The following CRISPLD2 variants were observed in gnomAD, a reference collection of about 807,000 sequenced individuals.
CRISPLD2 encodes the protein cysteine rich secretory protein LCCL domain containing 2, also known as cysteine-rich secretory protein LCCL domain-containing 2.
A neutral mutation model predicts 71.1 loss-of-function variants in CRISPLD2; 47 were observed. The observed-to-expected ratio is 0.66, with a 90% CI of 0.52 to 0.84. The LOEUF is 0.84. Among genes scored for constraint, CRISPLD2 ranks in the 40% least tolerant of loss-of-function variants. The probability of loss-of-function intolerance (pLI) is 0.00; values close to 1 mark genes in which losing one functional copy is unlikely to be tolerated. For synonymous variants in CRISPLD2, 317 were observed against 250.1 expected, an observed-to-expected ratio of 1.27 and a Z score of -2.52; for missense variants, 830 against 651.1, an observed-to-expected ratio of 1.27 and a Z score of -2.99.
chr16:84,873,891 C>T (rs1567697215), intron 10 of CRISPLD2, 29 bp from the exon 11 acceptor site: 1 of 1,458,950 alleles, frequency 6.9e-7, no homozygotes, highest in South Asian at 1.2e-5. Context: ...TACCTAATGC[C>T]CGTTTTTTTT....
At position 84,835,125 on chromosome 16, in the gene CRISPLD2, T is replaced by A. The variant is rs565403305; in HGVS notation, c.-74-3297T>A. Among the ~76,000 whole-genome samples the A allele has an allele frequency of 1.7e-4, 26 of 152,234 alleles. No homozygotes were observed. The South Asian group carries it at 5.4e-3, about 32-fold the overall frequency. On this transcript the variant is annotated intron_variant, in intron 1 of 14. Transcript: ENST00000262424. Reference sequence around the variant, plus strand: ...ATTTTTTTGAGGTGAAGTTTTGCTCTTGTCTCCCAGGCTAGAGTGCAATGG... The same window carrying A: ...ATTTTTTTGAGGTGAAGTTTTGCTCATGTCTCCCAGGCTAGAGTGCAATGG...
At chr16:84,880,225 C>G (rs1420752717) in intron 12 of CRISPLD2, among the ~76,000 whole-genome samples, 1 of 152,190 alleles carries the variant, frequency 6.6e-6, no homozygotes, top group African/African-American at 2.4e-5. Flanking sequence ...ACTCTTCTCT[C>G]TTAGATTTTT....
At position 84,872,522 on chromosome 16, in the gene CRISPLD2, G is replaced by T; in HGVS notation, c.981+14G>T. On this transcript the variant is annotated intron_variant, in intron 9 of 14. Coordinates refer to ENST00000262424, the MANE Select transcript of CRISPLD2 (RefSeq NM_031476.4). ...TTCTATGAAAGCGTGAGTGTGGCCA[G>T]TCCTCCTCTCAATGGCTTGTGTGGG... 6.2e-7 allele frequency: 1 copy of T among 1,609,098 alleles called. No individual in the cohort carries two copies.
intron 13 of CRISPLD2, among the ~76,000 whole-genome samples, chr16:84,881,187 T>G (rs1446716411): frequency 3.3e-5 from 5 of 152,254 alleles, no homozygotes; most frequent in Admixed American, 2.0e-4. Context: ...TTTTTCCGGC[T>G]ATTTAGTCAT....
At chr16:84,898,725 T>G (rs1376024634) in intron 14 of CRISPLD2, among the ~76,000 whole-genome samples, 1 of 152,240 alleles carries the variant, frequency 6.6e-6, no homozygotes, top group Non-Finnish European at 1.5e-5. Context: ...ACAGCCCTGA[T>G]GCTGCCCAGC....
intron 3 of CRISPLD2, 129 bp downstream of exon 3, chr16:84,846,033 C>A: frequency 1.7e-6 from 1 of 602,168 alleles, no homozygotes; most frequent in Non-Finnish European, 2.9e-6. Flanking sequence ...CATCGATATT[C>A]TGGGAAACTG....
intron 6 of CRISPLD2, among the ~76,000 whole-genome samples, chr16:84,860,387 C>G (rs1917346608): frequency 6.6e-6 from 1 of 152,156 alleles, no homozygotes; most frequent in South Asian, 2.1e-4. Context: ...TCAAGCAGTT[C>G]TTTTCGAGTG....
intron 6 of CRISPLD2, 104 bp from the exon 7 acceptor site, chr16:84,866,793 C>G: frequency 9.0e-7 from 1 of 1,116,506 alleles, no homozygotes. Flanking sequence ...TTTGTAAAAC[C>G]AAACCTCAAA....
At chr16:84,873,224 C>T (rs1270860240) in intron 10 of CRISPLD2, 102 bp downstream of exon 10, 4 of 1,377,356 alleles carry the variant, frequency 2.9e-6, no homozygotes, top group Admixed American at 4.5e-5. Context: ...TGGTGGCTCA[C>T]ACCTGCACTT....
rs377532598 is a variant in CRISPLD2, at chr16:84,877,527, C to T, written c.1229+17C>T. 7.6e-5 allele frequency: 122 copies of T among 1,612,598 alleles called. No individual in the cohort carries two copies. Among genetic ancestry groups the T allele is most frequent in the Non-Finnish European group, 9.8e-5 (116 of 1,178,892 alleles). On this transcript the variant is annotated intron_variant, in intron 12 of 14. Transcript: ENST00000262424. The stretch of plus-strand genomic sequence containing the variant: ...CTGCCCAAGGTAAGGCGGGCCTGAT[C>T]TGTCATCTTTTCTATGGAAGATGTT...
chr16:84,861,609 A>C (rs545747937), intron 6 of CRISPLD2, among the ~76,000 whole-genome samples: 140 of 152,238 alleles, frequency 9.2e-4, no homozygotes, highest in South Asian at 4.2e-3. Context: ...CCACTGACTC[A>C]AATGTTAATC....
intron 3 of CRISPLD2, among the ~76,000 whole-genome samples, chr16:84,848,823 T>C (rs951253086): frequency 1.3e-5 from 2 of 151,958 alleles, no homozygotes; most frequent in Non-Finnish European, 2.9e-5. Flanking sequence ...GGATAGTTTT[T>C]CTCCAACGTA....
In CRISPLD2 at chr16:84,908,599, G is replaced by T. The variant is rs2071825217; in HGVS notation, c.*1957G>T. 6.6e-6 allele frequency: 1 copy of T among 151,442 alleles called. No homozygotes were observed. The highest frequency in any genetic ancestry group is 2.4e-5 in the African/African-American group (1 of 41,240). 9.4% of individuals were successfully genotyped at this position (151,442 alleles called of 1,614,324 possible). ...GTTGACCCCATCATTTAAAAATAAA[G>T]TCCCCGGGTTCCTTAATGCCTCCTT... On this transcript the variant is annotated 3_prime_UTR_variant, in exon 15 of 15. Coordinates refer to ENST00000262424, the MANE Select transcript of CRISPLD2 (RefSeq NM_031476.4).
chr16:84,852,105 A>T lies in CRISPLD2; in HGVS notation c.608+1422A>T, dbSNP rs900523366. On this transcript the variant is annotated intron_variant, in intron 5 of 14. Coordinates refer to ENST00000262424, the MANE Select transcript of CRISPLD2 (RefSeq NM_031476.4). ...CTCTCTTCCTGGCTCACCAACGGCC[A>T]CTATCTTACATGGTGGTGAGAGATG... is the stretch of plus-strand genomic sequence containing the variant. Among the ~76,000 whole-genome samples, 4 of 152,218 alleles carry T rather than the reference A, an allele frequency of 2.6e-5. No homozygotes were observed. In the East Asian group the frequency reaches 7.7e-4, roughly 29 times the overall value.
chr16:84,878,055 A>G (rs975238798), intron 12 of CRISPLD2, among the ~76,000 whole-genome samples: 105 of 43,728 alleles, frequency 2.4e-3, no homozygotes, highest in African/African-American at 3.6e-3. Flanking sequence ...CTAAAAATAC[A>G]AAAAAAAAAA....
At chr16:84,878,159 G>C (rs962768601) in intron 12 of CRISPLD2, among the ~76,000 whole-genome samples, 1 of 152,132 alleles carries the variant, frequency 6.6e-6, no homozygotes, top group Admixed American at 6.5e-5. Context: ...AGGAGGTGGA[G>C]CTTGCAGTGA....
Position 84,822,343 on chromosome 16 carries a change from T to C in CRISPLD2, c.-75+2210T>C, listed in dbSNP as rs76612081. On this transcript the variant is annotated intron_variant, in intron 1 of 14. Transcript: ENST00000262424. ...CCCTCAAAAGACCACAAATTAAGTATGTGGCCCTTTGTAAGTTGCATTTGA... is the reference window on the plus strand; with the variant it reads ...CCCTCAAAAGACCACAAATTAAGTACGTGGCCCTTTGTAAGTTGCATTTGA... Among the ~76,000 whole-genome samples, 298 of 152,332 alleles carry C rather than the reference T, an allele frequency of 2.0e-3. 1 individual carries two copies. Among genetic ancestry groups the C allele is most frequent in the African/African-American group, 6.4e-3 (266 of 41,580 alleles).
At chr16:84,851,199 A>G (rs950527289) in intron 5 of CRISPLD2, among the ~76,000 whole-genome samples, 1 of 152,234 alleles carries the variant, frequency 6.6e-6, no homozygotes, top group African/African-American at 2.4e-5. Flanking sequence ...ACAGCACCCT[A>G]GAAAACACAT....
chr16:84,837,522 T>A (rs12448841), intron 1 of CRISPLD2, among the ~76,000 whole-genome samples: 74,814 of 151,158 alleles, frequency 0.49, 19,724 homozygotes, highest in Non-Finnish European at 0.58. Context: ...GTTCACGCCA[T>A]TCTCCCGCCT....
Sources: allele counts gnomAD v4.1 joint callset (sites outside exome capture counted in the v4.1 genomes callset), GRCh38; gene constraint gnomAD v4.1.1; transcripts MANE v1.5; gene names NCBI Gene and HGNC (gene_info 2026-07-23, HGNC 2026-07-21).